The following LRRC18 variants were observed in gnomAD, a reference collection of about 807,000 sequenced individuals.
LRRC18 encodes the protein leucine-rich repeat-containing protein 18.
A neutral mutation model predicts 11.2 loss-of-function variants in LRRC18; 12 were observed. That is an observed-to-expected ratio of 1.07 (90% CI 0.69 to 1.74). The LOEUF (loss-of-function observed/expected upper bound fraction) is 1.74. LRRC18 is among the 40% of genes most tolerant of loss of function. LRRC18 has a pLI of 0.00. For missense variants in LRRC18, 374 were observed against 330.5 expected (o/e 1.13, Z -1.02); for synonymous variants, 155 against 130.6 (o/e 1.19, Z -1.27).
At chr10:48,929,677 C>T in the LRRC18 span, among the ~76,000 whole-genome samples, 1 of 152,218 alleles carries the variant, frequency 6.6e-6, no homozygotes, top group Non-Finnish European at 1.5e-5. Context: ...CTCCCCAATT[C>T]TGGACTCACT....
chr10:48,910,505 C>A (rs1837901033), intron 1 of LRRC18, among the ~76,000 whole-genome samples: 2 of 152,188 alleles, frequency 1.3e-5, no homozygotes, highest in African/African-American at 4.8e-5. Context: ...CATGAAGGAA[C>A]ACCAACATCA....
chr10:48,931,368 G>A, the LRRC18 span, among the ~76,000 whole-genome samples: 1 of 152,330 alleles, frequency 6.6e-6, no homozygotes, highest in African/African-American at 2.4e-5. Flanking sequence ...GCCACTGAGA[G>A]TGGGGGAGGA....
chr10:48,923,862 T>C, the LRRC18 span, among the ~76,000 whole-genome samples: 48 of 152,330 alleles, frequency 3.2e-4, no homozygotes, highest in African/African-American at 1.1e-3. Flanking sequence ...ACACTGAGCA[T>C]GGCTTAGAGA....
upstream of LRRC18, among the ~76,000 whole-genome samples, chr10:48,918,543 G>A (rs1838760367): frequency 6.6e-6 from 1 of 152,140 alleles, no homozygotes; most frequent in South Asian, 2.1e-4. Flanking sequence ...AAATGTGTAT[G>A]TACCTAACAG....
the LRRC18 span, among the ~76,000 whole-genome samples, chr10:48,924,886 C>G: frequency 6.6e-6 from 1 of 152,164 alleles, no homozygotes; most frequent in Non-Finnish European, 1.5e-5. Flanking sequence ...AGCAGACTGA[C>G]TTTGTTTCTA....
At chr10:48,939,267 A>G in the LRRC18 span, among the ~76,000 whole-genome samples, 3 of 152,230 alleles carry the variant, frequency 2.0e-5, no homozygotes, top group African/African-American at 7.2e-5. Flanking sequence ...CAATGTCAAC[A>G]TCGCCAGGAC....
intron 1 of LRRC18, among the ~76,000 whole-genome samples, chr10:48,910,469 G>C (rs1362742908): frequency 6.6e-6 from 1 of 152,192 alleles, no homozygotes; most frequent in Non-Finnish European, 1.5e-5. Context: ...TTTCCAAGGA[G>C]TAAAGGTGAC....
the LRRC18 span, among the ~76,000 whole-genome samples, chr10:48,929,457 A>G: frequency 0.96 from 145,786 of 152,220 alleles, 70,095 homozygotes; most frequent in East Asian, 1. Context: ...GAAATAGCCC[A>G]GCATGGGAGG....
exon 1 of LRRC18, chr10:48,914,206 A>T (rs1286121703): frequency 1.9e-6 from 3 of 1,556,588 alleles, no homozygotes; most frequent in African/African-American, 2.7e-5. Flanking sequence ...TTGGATAGTG[A>T]TCAGTGTGAG....
chr10:48,925,306 A>G, the LRRC18 span, among the ~76,000 whole-genome samples: 2 of 152,080 alleles, frequency 1.3e-5, no homozygotes, highest in Non-Finnish European at 2.9e-5. Flanking sequence ...GCGGGGCTGT[A>G]TCTTCACAGA....
chr10:48,914,826 G>C (rs1214444812), upstream of LRRC18, among the ~76,000 whole-genome samples: 1 of 152,166 alleles, frequency 6.6e-6, no homozygotes, highest in African/African-American at 2.4e-5. Context: ...GTGTGCCATT[G>C]CTGGGCCCAG....
the LRRC18 span, among the ~76,000 whole-genome samples, chr10:48,936,942 A>G: frequency 4.8e-3 from 729 of 150,370 alleles, 3 homozygotes; most frequent in African/African-American, 0.017. Context: ...TTTTTGAGAC[A>G]TAGTCTCACT....
the LRRC18 span, among the ~76,000 whole-genome samples, chr10:48,921,808 C>G: frequency 6.6e-6 from 1 of 151,984 alleles, no homozygotes. Flanking sequence ...ACACAAAAAT[C>G]GATAGTGCAA....
intron 1 of LRRC18, 43 bp downstream of exon 3, chr10:48,913,349 C>T (rs1838181371): frequency 6.3e-7 from 1 of 1,576,680 alleles, no homozygotes; most frequent in East Asian, 2.2e-5. Context: ...CTCTTCCCTC[C>T]CTCTCTCTTT....
At chr10:48,924,952 T>C in the LRRC18 span, among the ~76,000 whole-genome samples, 1 of 152,232 alleles carries the variant, frequency 6.6e-6, no homozygotes, top group African/African-American at 2.4e-5. Context: ...ATAATTTCAT[T>C]CTTTCAACTG....
At chr10:48,920,433 G>A in the LRRC18 span, among the ~76,000 whole-genome samples, 1 of 152,164 alleles carries the variant, frequency 6.6e-6, no homozygotes, top group South Asian at 2.1e-4. Context: ...GAATTAATGG[G>A]TGCAGCACAC....
chr10:48,928,059 A>G, the LRRC18 span, among the ~76,000 whole-genome samples: 1 of 152,102 alleles, frequency 6.6e-6, no homozygotes, highest in East Asian at 1.9e-4. Context: ...ATTCCACCCA[A>G]TGTGTTTTAA....
chr10:48,913,768 A>G, exon 1 of LRRC18: 1 of 1,614,018 alleles, frequency 6.2e-7, no homozygotes, highest in Non-Finnish European at 8.5e-7. Context: ...AGGTGGTTCA[A>G]GCCTAGGTTC....
chr10:48,937,774 C>T, the LRRC18 span, among the ~76,000 whole-genome samples: 16 of 152,194 alleles, frequency 1.1e-4, no homozygotes, highest in Non-Finnish European at 2.4e-4. Flanking sequence ...TGAAAGGGTA[C>T]GTCTGTCTCT....
Sources: allele counts gnomAD v4.1 joint callset (sites outside exome capture counted in the v4.1 genomes callset), GRCh38; gene constraint gnomAD v4.1.1; transcripts MANE v1.5; gene names NCBI Gene and HGNC (gene_info 2026-07-23, HGNC 2026-07-21).